GATA5: variants seen among roughly 807,000 people sequenced by gnomAD.
The protein encoded by GATA5 is transcription factor GATA-5.
A neutral mutation model predicts 35.0 loss-of-function variants in GATA5; 27 were observed. The observed-to-expected ratio is 0.77, with a 90% CI of 0.57 to 1.06. The LOEUF is 1.06. GATA5 is among the 50% of genes least tolerant of loss of function. The probability of loss-of-function intolerance (pLI) is 0.00; values close to 1 mark genes in which losing one functional copy is unlikely to be tolerated. For synonymous variants in GATA5, 306 were observed against 267.8 expected (o/e 1.14, Z -1.39); for missense variants, 612 against 580.0 (o/e 1.06, Z -0.57).
intron 4 of GATA5, 91 bp from the exon 5 acceptor site, chr20:62,466,012 C>A: frequency 1.1e-6 from 1 of 934,702 alleles, no homozygotes; most frequent in Non-Finnish European, 1.7e-6. Flanking sequence ...CCCCCAGAGC[C>A]GGTCACTCCT....
At position 62,470,967 on chromosome 20, in the gene GATA5, G is replaced by A. The variant is rs577012614; in HGVS notation, c.699+2436C>T. ...TCACGCCAAGGGCCCCCATTAGCCC[G>A]TCCTCAGAGCCAAGGCCCAAGCACA... On this transcript the variant is annotated intron_variant, in intron 3 of 6. Transcript: ENST00000252997. This position sits in a 1 kb window ranked among gnomAD's most constrained non-coding sequence, Gnocchi z 4.6. 4.6e-5 allele frequency among the ~76,000 whole-genome samples: 7 copies of A among 152,328 alleles called. No individual in the cohort carries two copies. The highest frequency in any genetic ancestry group is 4.1e-4 in the South Asian group (2 of 4,826).
Position 62,464,074 on chromosome 20 carries a change from G to C in GATA5, c.*762C>G, listed in dbSNP as rs1555895717. 6.6e-6 allele frequency: 1 copy of C among 152,230 alleles called. No individual in the cohort carries two copies. The highest frequency in any genetic ancestry group is 2.4e-5 in the African/African-American group (1 of 41,438). 9.4% of individuals were successfully genotyped at this position (152,230 alleles called of 1,614,324 possible). A position where few individuals can be genotyped will look rare whatever the true frequency, so the allele number is the denominator to read the frequency against. ...CACCAGCCCCAACAGCGCTTGGATG[G>C]GTCAGGACAGGGCTACCAGACAATT... On this transcript the variant is annotated 3_prime_UTR_variant, in exon 7 of 7. Transcript: ENST00000252997.
At chr20:62,465,030 G>T in intron 6 of GATA5, 39 bp from the exon 7 acceptor site, 2 of 1,207,444 alleles carry the variant, frequency 1.7e-6, no homozygotes, top group Non-Finnish European at 1.2e-6. Flanking sequence ...GGGGTGGGGC[G>T]TGGGGCGTGG....
At chr20:62,474,910 G>A (rs535631350) in intron 2 of GATA5, 89 bp downstream of exon 2, 1 of 1,126,536 alleles carries the variant, frequency 8.9e-7, no homozygotes, top group African/African-American at 1.6e-5. Flanking sequence ...GACCGTGGGG[G>A]AGGATGAGGG....
chr20:62,465,864 T>C lies in GATA5; in HGVS notation c.883A>G (p.Lys295Glu), dbSNP rs1555896021. 3 of 1,596,946 alleles carry C rather than the reference T, an allele frequency of 1.9e-6. No homozygotes were observed. Among genetic ancestry groups the C allele is most frequent in the Admixed American group, 1.7e-5 (1 of 57,886 alleles). Reference sequence around the variant, plus strand: ...GAGCCCCTGGCCTTGGCGATGGTCTTTGGCTTCCGCTTCCGTGTCTGGATG... The same window carrying C: ...GAGCCCCTGGCCTTGGCGATGGTCTCTGGCTTCCGCTTCCGTGTCTGGATG... The part of the protein sequence containing the change: ...ESIQTRKRKP[K>E]TIAKARGSSG... The change falls in exon 5 of 7, where the codon AAG becomes GAG. Residue 295 changes from lysine (K) to glutamate (E), a missense_variant. Lys to Glu is a moderately conservative substitution (Grantham distance 56). Transcript: ENST00000252997.
At chr20:62,466,301 A>C in intron 4 of GATA5, 125 bp downstream of exon 4, 2 of 1,159,430 alleles carry the variant, frequency 1.7e-6, no homozygotes, top group Non-Finnish European at 1.2e-6. Flanking sequence ...ATGTGTGTAC[A>C]ACAGCCCAGG....
chr20:62,464,835 C>G lies in GATA5; in HGVS notation c.*1G>C, dbSNP rs1555895847. ...CCCCTGACATGGGCTGGCCTGGGGA[C>G]CTAGGCCAAGGCCAGCGCACACCAG... is the stretch of plus-strand genomic sequence containing the variant. On this transcript the variant is annotated 3_prime_UTR_variant, in exon 7 of 7. Transcript: ENST00000252997. The G allele has an allele frequency of 6.3e-7, 1 of 1,589,420 alleles. No individual in the cohort carries two copies. The highest frequency in any genetic ancestry group is 8.6e-7 in the Non-Finnish European group (1 of 1,166,668).
At position 62,473,503 on chromosome 20, in the gene GATA5, C is replaced by T. The variant is rs2146488390; in HGVS notation, c.599G>A (p.Trp200Ter). The T allele has an allele frequency of 6.2e-7, 1 of 1,609,676 alleles. No individual in the cohort carries two copies. The highest frequency in any genetic ancestry group is 8.5e-7 in the Non-Finnish European group (1 of 1,178,548). ...GTAGTGGCCGGTGCCGTCTCGGCGCCACAGCGGTGTGGACAGGGCCCCGCA... is the reference window on the plus strand; with the variant it reads ...GTAGTGGCCGGTGCCGTCTCGGCGCTACAGCGGTGTGGACAGGGCCCCGCA... ...VNCGALSTPLWRRDGTGHYLC... is the reference protein window; with the variant it reads ...VNCGALSTPL Residue 200 changes from tryptophan (W) to a stop codon, truncating the protein, a stop_gained, in exon 3 of 7, where the codon TGG becomes TAG. Coordinates refer to ENST00000252997, the MANE Select transcript of GATA5 (RefSeq NM_080473.5). LOFTEE classifies it high-confidence loss of function.
chr20:62,469,100 C>T (rs1395444425), intron 3 of GATA5, among the ~76,000 whole-genome samples: 1 of 152,246 alleles, frequency 6.6e-6, no homozygotes, highest in Non-Finnish European at 1.5e-5. Flanking sequence ...TCCTTCCCAC[C>T]TCTCGGACAC....
rs781943411 is a variant in GATA5, at chr20:62,465,340, C to T, written c.1038G>A (p.Gln346=). 13 of 1,593,814 alleles carry T rather than the reference C, an allele frequency of 8.2e-6. No homozygotes were observed. In the South Asian group the frequency reaches 1.3e-4, roughly 16 times the overall value. Residue 346 remains glutamine, a splice_region_variant and synonymous_variant, in exon 6 of 7, where the codon CAG becomes CAA. Transcript: ENST00000252997. ...ACCCCACCCCAGCCCACCCCCTTACCTGGGGGGCCATGCTGGGCCCAGGGC... is the reference window on the plus strand; with the variant it reads ...ACCCCACCCCAGCCCACCCCCTTACTTGGGGGGCCATGCTGGGCCCAGGGC... ...PVCPGPSMAP[Q]ASGQEDDSLA...
Position 62,466,433 on chromosome 20 carries a change from A to G in GATA5, c.818T>C (p.Leu273Pro). Residue 273 changes from leucine (L) to proline (P), a missense_variant, in exon 4 of 7, where the codon CTG becomes CCG. Physicochemically the swap from Leu to Pro is moderately conservative, Grantham distance 98. Coordinates refer to ENST00000252997, the MANE Select transcript of GATA5 (RefSeq NM_080473.5). ...VCNACGLYMK[L>P]HGVPRPLAMK... ...CCCGGGGACCACACTCACCCCGTGC[A>G]GCTTCATGTAGAGGCCGCAGGCATT... 6.3e-7 allele frequency: 1 copy of G among 1,586,194 alleles called. No homozygotes were observed.
Position 62,465,454 on chromosome 20 carries a change from C to T in GATA5, c.924G>A (p.Arg308=). The change falls in exon 6 of 7, where the codon AGG becomes AGA. Residue 308 remains arginine, a synonymous_variant. Coordinates refer to ENST00000252997, the MANE Select transcript of GATA5 (RefSeq NM_080473.5). ...CAGCAGATGGGGAGGCCGAGGCATT[C>T]CTTGTGGATCCTGGAAGCGAAGAGG... ...AKARGSSGST[R]NASASPSAVA... is the part of the protein sequence containing the mutation. 1.2e-6 allele frequency: 2 copies of T among 1,607,530 alleles called. No homozygotes were observed. The highest frequency in any genetic ancestry group is 1.3e-5 in the African/African-American group (1 of 74,992).
In GATA5 at chr20:62,463,588, T is replaced by A. The variant is rs1989495919; in HGVS notation, c.*1248A>T. On this transcript the variant is annotated 3_prime_UTR_variant, in exon 7 of 7. Coordinates refer to ENST00000252997, the MANE Select transcript of GATA5 (RefSeq NM_080473.5). ...GCATAGAAGTGGGGCTGGAAGAACC[T>A]CTGGAGGGACAGTTTCAGAATGACC... 6.6e-6 allele frequency: 1 copy of A among 150,584 alleles called. No homozygotes were observed. Among genetic ancestry groups the A allele is most frequent in the Admixed American group, 6.6e-5 (1 of 15,076 alleles). 9.3% of individuals were successfully genotyped at this position (150,584 alleles called of 1,614,324 possible).
rs530880918 is a variant in GATA5 at position 62,465,737 on chromosome 20, G to A, written c.913+97C>T. 3.5e-5 allele frequency: 36 copies of A among 1,038,456 alleles called. No homozygotes were observed. In the South Asian group the frequency reaches 4.4e-4, roughly 13 times the overall value. 64.3% of individuals were successfully genotyped at this position (1,038,456 alleles called of 1,614,324 possible). On this transcript the variant is annotated intron_variant, in intron 5 of 6. Coordinates refer to ENST00000252997, the MANE Select transcript of GATA5 (RefSeq NM_080473.5). Reference sequence around the variant, plus strand: ...GGGGCATTTGGACTTCCAGAGGACTGTGCTTGAACCAAACACACAGGTCTC... The same window carrying A: ...GGGGCATTTGGACTTCCAGAGGACTATGCTTGAACCAAACACACAGGTCTC...
In GATA5 at chr20:62,463,947, T is replaced by C. The variant is rs1373424614; in HGVS notation, c.*889A>G. 6.7e-6 allele frequency: 1 copy of C among 149,340 alleles called. No individual in the cohort carries two copies. The highest frequency in any genetic ancestry group is 2.6e-5 in the African/African-American group (1 of 39,074). 9.3% of individuals were successfully genotyped at this position (149,340 alleles called of 1,614,324 possible). A position where few individuals can be genotyped will look rare whatever the true frequency, so the allele number is the denominator to read the frequency against. On this transcript the variant is annotated 3_prime_UTR_variant, in exon 7 of 7. Coordinates refer to ENST00000252997, the MANE Select transcript of GATA5 (RefSeq NM_080473.5). ...CATTAAGGTATCATCCAACCCAGTG[T>C]GGAGGGGGCTTGCAAGAGAAAGAGG...
At position 62,475,537 on chromosome 20, in the gene GATA5, C is replaced by T. The variant is rs1989840790; in HGVS notation, c.-16G>A. 1 of 1,271,722 alleles carries T rather than the reference C, an allele frequency of 7.9e-7. No individual in the cohort carries two copies. The highest frequency in any genetic ancestry group is 9.9e-7 in the Non-Finnish European group (1 of 1,010,012). 78.8% of individuals were successfully genotyped at this position (1,271,722 alleles called of 1,614,324 possible). A position where few individuals can be genotyped will look rare whatever the true frequency, so the allele number is the denominator to read the frequency against. ...TCTGGTACATCCTCCCAGGCGTGGT[C>T]TTGACCTGCAGGGAAGAGGGACAGG... On this transcript the variant is annotated 5_prime_UTR_variant, in exon 2 of 7. Coordinates refer to ENST00000252997, the MANE Select transcript of GATA5 (RefSeq NM_080473.5).
chr20:62,466,652 C>T, intron 3 of GATA5, 101 bp from the exon 4 acceptor site: 1 of 1,376,808 alleles, frequency 7.3e-7, no homozygotes. Context: ...CCACGCAGGA[C>T]CCGGTGAGAA....
chr20:62,472,501 G>A (rs1159917878), intron 3 of GATA5, among the ~76,000 whole-genome samples: 1 of 152,182 alleles, frequency 6.6e-6, no homozygotes, highest in African/African-American at 2.4e-5. Context: ...CTGGCTGATC[G>A]ACCCCGCACG....
chr20:62,464,784 C>A lies in GATA5; in HGVS notation c.*52G>T. 1 of 1,471,506 alleles carries A rather than the reference C, an allele frequency of 6.8e-7. No homozygotes were observed. Among genetic ancestry groups the A allele is most frequent in the Non-Finnish European group, 9.1e-7 (1 of 1,098,630 alleles). 91.2% of individuals were successfully genotyped at this position (1,471,506 alleles called of 1,614,324 possible). A position where few individuals can be genotyped will look rare whatever the true frequency, so the allele number is the denominator to read the frequency against. On this transcript the variant is annotated 3_prime_UTR_variant, in exon 7 of 7. Coordinates refer to ENST00000252997, the MANE Select transcript of GATA5 (RefSeq NM_080473.5). The stretch of plus-strand genomic sequence containing the variant: ...GAGCAAAGCAGGCACGGAGGTGACT[C>A]AGTGGGTGGTCTGTTCCAGGCTGTT...
Sources: allele counts gnomAD v4.1 joint callset (sites outside exome capture counted in the v4.1 genomes callset), GRCh38; gene constraint gnomAD v4.1.1; non-coding constraint Gnocchi (gnomAD v3.1); transcripts MANE v1.5; gene names NCBI Gene and HGNC (gene_info 2026-07-23, HGNC 2026-07-21).